CUL1: variants seen among roughly 807,000 people sequenced by gnomAD.
CUL1 encodes cullin-1.
A neutral mutation model predicts 118.0 loss-of-function variants in CUL1; 24 were observed. That is an observed-to-expected ratio of 0.20 (90% confidence interval 0.15 to 0.29). CUL1 has a LOEUF of 0.29. CUL1 is among the 10% of genes least tolerant of loss of function. The probability of loss-of-function intolerance (pLI) is 1.00; values close to 1 mark genes in which losing one functional copy is unlikely to be tolerated. For missense variants in CUL1, 361 were observed against 933.8 expected, an observed-to-expected ratio of 0.39 and a Z score of 7.99; for synonymous variants, 332 against 340.4, an observed-to-expected ratio of 0.98 and a Z score of 0.27.
chr7:148,747,989 A>C (rs921186624), intron 2 of CUL1, among the ~76,000 whole-genome samples: 2 of 152,220 alleles, frequency 1.3e-5, no homozygotes, highest in Admixed American at 6.5e-5. Context: ...TGAAGAGGTA[A>C]TAGAATCTTC....
In CUL1 at chr7:148,730,137, G is replaced by C. The variant is rs373873440; in HGVS notation, c.15G>C (p.Arg5=). The C allele has an allele frequency of 1.9e-6, 3 of 1,613,672 alleles. No homozygotes were observed. The highest frequency in any genetic ancestry group is 2.5e-6 in the Non-Finnish European group (3 of 1,179,896). Residue 5 remains arginine, a synonymous_variant, in exon 2 of 22, where the codon CGG becomes CGC. Transcript: ENST00000325222. The stretch of plus-strand genomic sequence containing the variant: ...CATCCCTCACAATGTCGTCAACCCG[G>C]AGCCAGAACCCCCACGGCCTGAAGC... MSST[R]SQNPHGLKQI... is the part of the protein sequence containing the mutation.
chr7:148,758,340 G>T (rs1269059485), intron 4 of CUL1, among the ~76,000 whole-genome samples: 1 of 152,190 alleles, frequency 6.6e-6, no homozygotes, highest in Non-Finnish European at 1.5e-5. Flanking sequence ...GCAGTACTTT[G>T]TAGCTTCACT....
chr7:148,784,185 G>T, intron 11 of CUL1, 108 bp downstream of exon 11: 1 of 883,352 alleles, frequency 1.1e-6, no homozygotes, highest in Non-Finnish European at 1.8e-6. Flanking sequence ...TGGAATTTTT[G>T]TACCTTATGA....
intron 1 of CUL1, among the ~76,000 whole-genome samples, chr7:148,702,532 T>C (rs1430464882): frequency 6.6e-6 from 1 of 152,250 alleles, no homozygotes; most frequent in Non-Finnish European, 1.5e-5. Context: ...GTATTCATGT[T>C]TAAAAAGCAG....
chr7:148,745,619 A>G (rs1162373400), intron 2 of CUL1, among the ~76,000 whole-genome samples: 2 of 152,232 alleles, frequency 1.3e-5, no homozygotes, highest in African/African-American at 4.8e-5. Context: ...AGTGACTATT[A>G]GGATGAAGAT....
chr7:148,745,101 T>C (rs1363708396), intron 2 of CUL1, among the ~76,000 whole-genome samples: 1 of 152,190 alleles, frequency 6.6e-6, no homozygotes, highest in Non-Finnish European at 1.5e-5. Flanking sequence ...TGTTGGTCTC[T>C]GTGCAAACCC....
At chr7:148,776,528 G>T (rs1468323822) in intron 9 of CUL1, among the ~76,000 whole-genome samples, 1 of 151,726 alleles carries the variant, frequency 6.6e-6, no homozygotes, top group Admixed American at 6.6e-5. Flanking sequence ...TGTTGGCTAG[G>T]CAGGTCTCAA....
intron 7 of CUL1, among the ~76,000 whole-genome samples, chr7:148,763,800 T>C (rs1304600149): frequency 6.6e-6 from 1 of 152,196 alleles, no homozygotes; most frequent in Non-Finnish European, 1.5e-5. Flanking sequence ...TGTGTTTACA[T>C]TACAACAAAC....
chr7:148,789,078 G>T (rs1401084069), intron 14 of CUL1, among the ~76,000 whole-genome samples: 7 of 152,194 alleles, frequency 4.6e-5, no homozygotes, highest in Non-Finnish European at 1.0e-4. Context: ...AGGTGATTCA[G>T]TTCTCCAGGA....
At chr7:148,761,654 G>T (rs1415891131) in intron 7 of CUL1, among the ~76,000 whole-genome samples, 1 of 152,250 alleles carries the variant, frequency 6.6e-6, no homozygotes, top group Non-Finnish European at 1.5e-5. Context: ...TTTTGCAGCT[G>T]TTCAACTCTG....
At chr7:148,709,288 A>G (rs1234195022) in intron 1 of CUL1, among the ~76,000 whole-genome samples, 1 of 152,262 alleles carries the variant, frequency 6.6e-6, no homozygotes, top group Non-Finnish European at 1.5e-5. Flanking sequence ...TGATTTGGCA[A>G]AAAGAAAAAT....
chr7:148,788,545 G>T lies in CUL1; in HGVS notation c.1480-12G>T. The T allele has an allele frequency of 6.4e-7, 1 of 1,570,372 alleles. No individual in the cohort carries two copies. Among genetic ancestry groups the T allele is most frequent in the East Asian group, 2.2e-5 (1 of 44,676 alleles). ...TACAAATTAATAAGACAGTCATCTG[G>T]GTTCTTCTCAGCAAGCTTGCGGGTT... On this transcript the variant is annotated splice_polypyrimidine_tract_variant and intron_variant, in intron 13 of 21. Transcript: ENST00000325222.
intron 5 of CUL1, 60 bp downstream of exon 5, chr7:148,759,414 T>C: frequency 6.4e-7 from 1 of 1,570,696 alleles, no homozygotes; most frequent in Non-Finnish European, 8.8e-7. Flanking sequence ...GTTTCGTTGC[T>C]TAGCTTTTGT....
chr7:148,777,283 G>C (rs1029517968), intron 9 of CUL1, among the ~76,000 whole-genome samples: 1 of 152,178 alleles, frequency 6.6e-6, no homozygotes, highest in African/African-American at 2.4e-5. Flanking sequence ...ATTGTGGTCT[G>C]AGGTGCAGAG....
In CUL1 at chr7:148,698,981, G is replaced by A. The variant is rs1797617023; in HGVS notation, c.-210G>A. On this transcript the variant is annotated 5_prime_UTR_variant, in exon 1 of 22. Coordinates refer to ENST00000325222, the MANE Select transcript of CUL1 (RefSeq NM_003592.3). ...GCTTTCGCCGGGGCCCAGGCCCAGG[G>A]ACCAGGCGGAGGCGTCGCGGGAGCC... 1 of 153,682 alleles carries A rather than the reference G, an allele frequency of 6.5e-6. No individual in the cohort carries two copies. The highest frequency in any genetic ancestry group is 6.5e-5 in the Admixed American group (1 of 15,280). 9.5% of individuals were successfully genotyped at this position (153,682 alleles called of 1,614,324 possible).
At chr7:148,792,189 A>G (rs1801038260) in intron 16 of CUL1, among the ~76,000 whole-genome samples, 1 of 151,898 alleles carries the variant, frequency 6.6e-6, no homozygotes, top group African/African-American at 2.4e-5. Flanking sequence ...TTGTCTCAAA[A>G]AAAAAAAAAA....
intron 1 of CUL1, among the ~76,000 whole-genome samples, chr7:148,709,732 G>T (rs571011795): frequency 9.8e-5 from 15 of 152,296 alleles, no homozygotes; most frequent in African/African-American, 3.6e-4. Flanking sequence ...CCACAGCTAG[G>T]GTGGTGACAG....
chr7:148,799,524 G>A (rs961484226), intron 21 of CUL1, 136 bp downstream of exon 21: 2 of 624,698 alleles, frequency 3.2e-6, no homozygotes, highest in Non-Finnish European at 5.6e-6. Context: ...ATAAAAGAAA[G>A]TCGGCTTCAG....
chr7:148,763,104 G>A (rs1799889022), intron 7 of CUL1, among the ~76,000 whole-genome samples: 1 of 151,746 alleles, frequency 6.6e-6, no homozygotes, highest in South Asian at 2.1e-4. Context: ...CCGAGATCGC[G>A]CCATTGCACT....
Sources: gnomAD v4.1 joint callset for allele counts (sites outside exome capture counted in the v4.1 genomes callset) on GRCh38, gnomAD v4.1.1 for gene constraint, MANE v1.5 for transcripts, NCBI Gene and HGNC (gene_info 2026-07-23, HGNC 2026-07-21) for gene names.